The following APCDD1L variants were observed in gnomAD, a reference collection of about 807,000 sequenced individuals.
APCDD1L encodes the protein protein APCDD1-like.
Under a neutral mutation model 24.2 loss-of-function variants are expected in APCDD1L, and 21 were observed. The observed-to-expected ratio is 0.87, with a 90% CI of 0.61 to 1.25. The LOEUF (loss-of-function observed/expected upper bound fraction) is 1.25, where lower values mean the gene tolerates loss of function less well. Ranked by LOEUF, APCDD1L falls within the 50% of genes most tolerant of loss-of-function variation. The pLI is 0.00. For synonymous variants in APCDD1L, 321 were observed against 323.6 expected (o/e 0.99, Z 0.09); for missense variants, 704 against 711.7 (o/e 0.99, Z 0.12).
chr20:58,478,055 C>T (rs1989945719), intron 1 of APCDD1L, among the ~76,000 whole-genome samples: 1 of 152,196 alleles, frequency 6.6e-6, no homozygotes, highest in African/African-American at 2.4e-5. Flanking sequence ...TAACACATTA[C>T]TATCATTATT....
chr20:58,504,202 T>C (rs953000524), intron 1 of APCDD1L, among the ~76,000 whole-genome samples: 2 of 152,192 alleles, frequency 1.3e-5, no homozygotes, highest in African/African-American at 4.8e-5. Context: ...CCATGGCTAA[T>C]GGTATCAACA....
intron 1 of APCDD1L, among the ~76,000 whole-genome samples, chr20:58,495,726 C>G (rs148953977): frequency 1.6e-3 from 239 of 152,260 alleles, no homozygotes; most frequent in African/African-American, 5.3e-3. Flanking sequence ...CACCGGGGGT[C>G]GCACACACAT....
At chr20:58,473,824 T>C (rs1989857537) in intron 1 of APCDD1L, among the ~76,000 whole-genome samples, 1 of 152,266 alleles carries the variant, frequency 6.6e-6, no homozygotes, top group Non-Finnish European at 1.5e-5. Context: ...TTAAAAATTA[T>C]GCTGTTTTTG....
At chr20:58,514,084 G>T in intron 1 of APCDD1L, 1 of 637,930 alleles carries the variant, frequency 1.6e-6, no homozygotes, top group Non-Finnish European at 2.3e-6. Context: ...CTTAGTCCTG[G>T]AGAAGGCATT....
At chr20:58,488,996 G>C (rs553339524) in intron 1 of APCDD1L, among the ~76,000 whole-genome samples, 1 of 151,620 alleles carries the variant, frequency 6.6e-6, no homozygotes, top group South Asian at 2.1e-4. Flanking sequence ...AAGGAAAGAA[G>C]AGTGGGTGAG....
intron 1 of APCDD1L, among the ~76,000 whole-genome samples, chr20:58,478,836 C>T (rs554918761): frequency 6.6e-6 from 1 of 152,010 alleles, no homozygotes; most frequent in South Asian, 2.1e-4. Flanking sequence ...GGTGATCAGT[C>T]AGGGAGTTCC....
At chr20:58,476,148 A>T (rs1444128236) in intron 1 of APCDD1L, among the ~76,000 whole-genome samples, 1 of 152,082 alleles carries the variant, frequency 6.6e-6, no homozygotes, top group African/African-American at 2.4e-5. Context: ...CCCAACTATC[A>T]TTCATTCATT....
Position 58,461,059 on chromosome 20 carries a change from G to A in APCDD1L, c.1237C>T (p.Leu413Phe). Residue 413 changes from leucine (L) to phenylalanine (F), a missense_variant, in exon 4 of 4, where the codon CTT (leucine) becomes TTT (phenylalanine). Physicochemically the swap from Leu to Phe is conservative, Grantham distance 22. Coordinates refer to ENST00000371149, the MANE Select transcript of APCDD1L (RefSeq NM_153360.3). This position sits in a 1 kb window ranked among gnomAD's most constrained non-coding sequence, Gnocchi z 6.0. ...AGGGGGTCTTGTTCCATCTTGAAAA[G>A]CTCGTACTCCACATGCGGGAGCCGG... is the stretch of plus-strand genomic sequence containing the variant. Reference protein sequence around the residue: ...GIRLPHVEYELFKMEQDPLGQ... With the variant: ...GIRLPHVEYEFFKMEQDPLGQ... 6.2e-7 allele frequency: 1 copy of A among 1,614,122 alleles called. No homozygotes were observed. Among genetic ancestry groups the A allele is most frequent in the Non-Finnish European group, 8.5e-7 (1 of 1,180,008 alleles).
At chr20:58,465,295 G>C (rs746654583) in intron 3 of APCDD1L, among the ~76,000 whole-genome samples, 2 of 152,090 alleles carry the variant, frequency 1.3e-5, no homozygotes, top group South Asian at 2.1e-4. Flanking sequence ...ACTTCGTGTC[G>C]TGCTCCTCCT....
At chr20:58,501,479 C>G (rs1416200942) in intron 1 of APCDD1L, among the ~76,000 whole-genome samples, 5 of 152,194 alleles carry the variant, frequency 3.3e-5, no homozygotes, top group African/African-American at 1.2e-4. Context: ...CGGCCACCTA[C>G]AAGCCAGGGA....
At chr20:58,505,477 C>A (rs1990514493) in intron 1 of APCDD1L, among the ~76,000 whole-genome samples, 1 of 152,106 alleles carries the variant, frequency 6.6e-6, no homozygotes. Flanking sequence ...GTATTTAAGT[C>A]ATTGCCTGTT....
At chr20:58,477,002 T>C (rs1247260037) in intron 1 of APCDD1L, among the ~76,000 whole-genome samples, 1 of 152,266 alleles carries the variant, frequency 6.6e-6, no homozygotes, top group East Asian at 1.9e-4. Context: ...TCATCACATC[T>C]GGCATTTATT....
intron 1 of APCDD1L, among the ~76,000 whole-genome samples, chr20:58,488,929 C>T (rs1600863903): frequency 6.6e-6 from 1 of 151,888 alleles, no homozygotes; most frequent in Non-Finnish European, 1.5e-5. Context: ...TTCTGTGAAA[C>T]CCCTGAGAGA....
chr20:58,471,907 C>T (rs1440308220), intron 1 of APCDD1L, among the ~76,000 whole-genome samples: 1 of 152,148 alleles, frequency 6.6e-6, no homozygotes, highest in African/African-American at 2.4e-5. Context: ...TCTTAGGGCT[C>T]CAGTCCAGGG....
chr20:58,511,306 T>G (rs1990622583), intron 1 of APCDD1L, among the ~76,000 whole-genome samples: 1 of 152,240 alleles, frequency 6.6e-6, no homozygotes, highest in Non-Finnish European at 1.5e-5. Context: ...CTCAAACCAA[T>G]TTTAATGGCT....
intron 1 of APCDD1L, among the ~76,000 whole-genome samples, chr20:58,504,184 C>A (rs143112216): frequency 3.0e-3 from 464 of 152,288 alleles, no homozygotes; most frequent in African/African-American, 0.011. Context: ...TTGCTCAGGG[C>A]AAAGGCTCCA....
At chr20:58,464,648 G>C (rs899947375) in intron 3 of APCDD1L, among the ~76,000 whole-genome samples, 4 of 152,194 alleles carry the variant, frequency 2.6e-5, no homozygotes, top group Non-Finnish European at 5.9e-5. Flanking sequence ...TCCAGTGTTG[G>C]CTGATTGATT....
chr20:58,510,498 A>G (rs2123198047), intron 1 of APCDD1L, among the ~76,000 whole-genome samples: 1 of 152,238 alleles, frequency 6.6e-6, no homozygotes, highest in Non-Finnish European at 1.5e-5. Flanking sequence ...ACACCCAGCT[A>G]ATTTTTTATT....
intron 1 of APCDD1L, among the ~76,000 whole-genome samples, chr20:58,510,573 C>T (rs1281291207): frequency 6.6e-6 from 1 of 152,186 alleles, no homozygotes; most frequent in African/African-American, 2.4e-5. Flanking sequence ...CTTAGGTGAT[C>T]TGCCCACTTC....
Sources: gnomAD v4.1 joint callset for allele counts (sites outside exome capture counted in the v4.1 genomes callset) on GRCh38, gnomAD v4.1.1 for gene constraint, Gnocchi (gnomAD v3.1) non-coding constraint, MANE v1.5 for transcripts, NCBI Gene and HGNC (gene_info 2026-07-23, HGNC 2026-07-21) for gene names.